Variants in SLC38A7 observed in about 807,000 individuals in gnomAD.
SLC38A7 encodes solute carrier family 38 member 7.
A neutral mutation model predicts 50.1 loss-of-function variants in SLC38A7; 29 were observed. The observed-to-expected ratio is 0.58, with a 90% CI of 0.43 to 0.79. The LOEUF (loss-of-function observed/expected upper bound fraction) is 0.79. SLC38A7 is among the 30% of genes least tolerant of loss of function. The pLI, the probability that SLC38A7 is intolerant of heterozygous loss-of-function variation, is 0.00. For synonymous variants in SLC38A7, 244 were observed against 245.9 expected (o/e 0.99, Z 0.07); for missense variants, 483 against 610.6 (o/e 0.79, Z 2.20).
In SLC38A7 at chr16:58,666,622, G is replaced by C. The variant is rs574880588; in HGVS notation, c.*763C>G. ...AAAAGCAGATACTCCCAACCTTATGGGGAAAGCTAACGGAGGAATACTCAC... is the reference window on the plus strand; with the variant it reads ...AAAAGCAGATACTCCCAACCTTATGCGGAAAGCTAACGGAGGAATACTCAC... On this transcript the variant is annotated 3_prime_UTR_variant, in exon 12 of 12. Transcript: ENST00000219320. The C allele has an allele frequency of 1.3e-5, 2 of 152,826 alleles. No individual in the cohort carries two copies. The highest frequency in any genetic ancestry group is 2.9e-5 in the Non-Finnish European group (2 of 68,140). 9.5% of individuals were successfully genotyped at this position (152,826 alleles called of 1,614,324 possible).
intron 3 of SLC38A7, among the ~76,000 whole-genome samples, chr16:58,679,279 C>T (rs1006293494): frequency 2.6e-5 from 4 of 152,150 alleles, no homozygotes; most frequent in South Asian, 4.1e-4. Context: ...GTAATGCCAG[C>T]GACTTGGGAG....
intron 2 of SLC38A7, among the ~76,000 whole-genome samples, chr16:58,680,501 G>A (rs1004674523): frequency 1.3e-5 from 2 of 152,204 alleles, no homozygotes; most frequent in African/African-American, 4.8e-5. Flanking sequence ...ATCAGCACTC[G>A]ATAGAGGCCC....
chr16:58,682,852 G>T (rs551894847), intron 2 of SLC38A7, among the ~76,000 whole-genome samples: 2 of 152,060 alleles, frequency 1.3e-5, no homozygotes, highest in African/African-American at 4.8e-5. Flanking sequence ...GGCTGGTCTT[G>T]AACTCCTGAC....
intron 10 of SLC38A7, 36 bp from the exon 11 acceptor site, chr16:58,670,203 G>T (rs1452967549): frequency 6.2e-7 from 1 of 1,608,928 alleles, no homozygotes; most frequent in South Asian, 1.1e-5. Flanking sequence ...CATTTGTGAG[G>T]GGAGAGGGCT....
At chr16:58,668,626 C>T (rs1432002654) in intron 11 of SLC38A7, among the ~76,000 whole-genome samples, 8 of 141,574 alleles carry the variant, frequency 5.7e-5, no homozygotes, top group African/African-American at 2.1e-4. Context: ...GCAGGAGAAT[C>T]GCTTGAACCC....
chr16:58,668,713 C>CAAAAAAAAAAAAAA (rs71155292), intron 11 of SLC38A7, among the ~76,000 whole-genome samples: 1 of 33,774 alleles, frequency 3.0e-5, no homozygotes, highest in African/African-American at 1.0e-4. Context: ...AACTCCATCT[C>CAAAAAAAAAAAAAA]AAAAAAAAAA....
intron 11 of SLC38A7, among the ~76,000 whole-genome samples, chr16:58,669,520 C>T (rs1385513647): frequency 6.6e-6 from 1 of 152,136 alleles, no homozygotes; most frequent in East Asian, 1.9e-4. Context: ...GTTGAGGACA[C>T]AGACCATACT....
In SLC38A7 at chr16:58,666,852, G is replaced by A. The variant is rs958069284; in HGVS notation, c.*533C>T. ...AAAGAGGCTGACAGGTTCATGGTGG[G>A]GGTTGCCCAGGAAGGTGTGGACAAG... On this transcript the variant is annotated 3_prime_UTR_variant, in exon 12 of 12. Transcript: ENST00000219320. 6.5e-6 allele frequency: 1 copy of A among 153,954 alleles called. No individual in the cohort carries two copies. The highest frequency in any genetic ancestry group is 6.5e-5 in the Admixed American group (1 of 15,298). 9.5% of individuals were successfully genotyped at this position (153,954 alleles called of 1,614,324 possible). A position where few individuals can be genotyped will look rare whatever the true frequency, so the allele number is the denominator to read the frequency against.
intron 8 of SLC38A7, among the ~76,000 whole-genome samples, chr16:58,674,748 C>A (rs2044229379): frequency 6.6e-6 from 1 of 152,176 alleles, no homozygotes; most frequent in South Asian, 2.1e-4. Context: ...GTTTGCCTCT[C>A]TTGTTCCTGG....
chr16:58,670,303 C>T, intron 10 of SLC38A7, 136 bp from the exon 11 acceptor site: 2 of 771,562 alleles, frequency 2.6e-6, no homozygotes, highest in Non-Finnish European at 4.2e-6. Flanking sequence ...ATCTCTGCCC[C>T]CACACCACAT....
rs1311544257 is a variant in SLC38A7, at chr16:58,678,568, G to C, written c.470-94C>G. Reference sequence around the variant, plus strand: ...GCCCCAGGACCTCCCTCTGCCTGGAGGGAGGATTCCCAGATGAATGCTGGG... The same window carrying C: ...GCCCCAGGACCTCCCTCTGCCTGGACGGAGGATTCCCAGATGAATGCTGGG... On this transcript the variant is annotated intron_variant, in intron 4 of 11. Transcript: ENST00000219320. The surrounding 1 kb of genome is among the most constrained non-coding windows in gnomAD (Gnocchi z 4.0). 6.4e-7 allele frequency: 1 copy of C among 1,555,796 alleles called. No individual in the cohort carries two copies. Among genetic ancestry groups the C allele is most frequent in the African/African-American group, 1.4e-5 (1 of 73,906 alleles).
At position 58,676,955 on chromosome 16, in the gene SLC38A7, C is replaced by T. The variant is rs575702459; in HGVS notation, c.710+371G>A. On this transcript the variant is annotated intron_variant, in intron 6 of 11. Transcript: ENST00000219320. ...AGGCGTGAGCCATTGTGCCTGGCCCCCCCCCTTTTTTTTTAATAATAAATT... is the reference window on the plus strand; with the variant it reads ...AGGCGTGAGCCATTGTGCCTGGCCCTCCCCCTTTTTTTTTAATAATAAATT... Among the ~76,000 whole-genome samples, 292 of 151,610 alleles carry T rather than the reference C, an allele frequency of 1.9e-3. 2 individuals carry two copies. Among genetic ancestry groups the T allele is most frequent in the Non-Finnish European group, 3.4e-3 (231 of 67,936 alleles).
chr16:58,672,081 T>C lies in SLC38A7; in HGVS notation c.1031+15A>G, dbSNP rs1359310628. 3 of 1,544,974 alleles carry C rather than the reference T, an allele frequency of 1.9e-6. No homozygotes were observed. The highest frequency in any genetic ancestry group is 2.6e-6 in the Non-Finnish European group (3 of 1,144,746). ...AGGGGCTAGGAGGGGCCCTGGGGAGTGGAAGGGGGCTCACCGCCCACAGAA... is the reference window on the plus strand; with the variant it reads ...AGGGGCTAGGAGGGGCCCTGGGGAGCGGAAGGGGGCTCACCGCCCACAGAA... On this transcript the variant is annotated intron_variant, in intron 9 of 11. Coordinates refer to ENST00000219320, the MANE Select transcript of SLC38A7 (RefSeq NM_018231.3).
At position 58,679,859 on chromosome 16, in the gene SLC38A7, T is replaced by C. The variant is rs768213136; in HGVS notation, c.268A>G (p.Met90Val). ...GCCCTCCCGGCCAGTGCACTCACCA[T>C]CTGCAGTGCGATGCCTGCTGCCACG... ...GGVAAGIALQ[M>V]GMLVFIISGL... is the part of the protein sequence containing the mutation. The change falls in exon 3 of 12, where the codon ATG becomes GTG. Residue 90 changes from methionine (M) to valine (V), a missense_variant and splice_region_variant. By Grantham distance (21) the Met-to-Val change is conservative. Transcript: ENST00000219320. 1.9e-6 allele frequency: 3 copies of C among 1,613,662 alleles called. No homozygotes were observed. The highest frequency in any genetic ancestry group is 2.5e-6 in the Non-Finnish European group (3 of 1,180,012).
intron 2 of SLC38A7, among the ~76,000 whole-genome samples, chr16:58,683,292 TA>T (rs1239966378): frequency 2.0e-5 from 3 of 152,228 alleles, no homozygotes; most frequent in African/African-American, 2.4e-5. Context: ...ACTGGGGGTT[TA>T]AAATGACTAA....
At chr16:58,670,249 G>A in intron 10 of SLC38A7, 82 bp from the exon 11 acceptor site, 1 of 1,353,912 alleles carries the variant, frequency 7.4e-7, no homozygotes, top group Non-Finnish European at 1.0e-6. Context: ...CCAAGAAGCA[G>A]TGCTGGATGG....
At chr16:58,674,782 G>T (rs537992604) in intron 8 of SLC38A7, among the ~76,000 whole-genome samples, 2 of 152,256 alleles carry the variant, frequency 1.3e-5, no homozygotes, top group Admixed American at 1.3e-4. Context: ...GGCTAGAACA[G>T]TATTGGCCCA....
At chr16:58,668,295 C>G (rs2044083052) in intron 11 of SLC38A7, among the ~76,000 whole-genome samples, 1 of 151,902 alleles carries the variant, frequency 6.6e-6, no homozygotes, top group African/African-American at 2.4e-5. Context: ...CAAAAAATGG[C>G]TGGGTATGGT....
At chr16:58,683,579 C>A (rs900810135) in intron 2 of SLC38A7, 13 of 152,326 alleles carry the variant, frequency 8.5e-5, no homozygotes, top group East Asian at 5.8e-4. Context: ...GCAGCGAAGG[C>A]AGAGTCTTGG....
Sources: gnomAD v4.1 joint callset for allele counts (sites outside exome capture counted in the v4.1 genomes callset) on GRCh38, gnomAD v4.1.1 for gene constraint, Gnocchi (gnomAD v3.1) non-coding constraint, MANE v1.5 for transcripts, NCBI Gene and HGNC (gene_info 2026-07-23, HGNC 2026-07-21) for gene names.